The following ST7 variants were observed in gnomAD, a reference collection of about 807,000 sequenced individuals.
The protein encoded by ST7 is suppression of tumorigenicity 7.
In ST7, 28 loss-of-function variants were observed where a neutral mutation model predicts 78.7. The observed-to-expected ratio is 0.36, with a 90% CI of 0.26 to 0.49. The LOEUF (loss-of-function observed/expected upper bound fraction) is 0.49. ST7 is among the 20% of genes least tolerant of loss of function. The pLI is 0.99. For missense variants in ST7, 418 were observed against 696.0 expected, an observed-to-expected ratio of 0.60 and a Z score of 4.49; for synonymous variants, 247 against 249.6, an observed-to-expected ratio of 0.99 and a Z score of 0.10.
At chr7:116,956,742 A>AT (rs755580580) in intron 1 of ST7, 48 of 433,114 alleles carry the variant, frequency 1.1e-4, no homozygotes, top group African/African-American at 2.3e-4. Flanking sequence ...GCTTAACTCG[A>AT]TTTTTTTTTA....
chr7:116,973,757 C>T (rs1219427956), intron 1 of ST7, among the ~76,000 whole-genome samples: 1 of 152,096 alleles, frequency 6.6e-6, no homozygotes, highest in Non-Finnish European at 1.5e-5. Context: ...CCTTCTGCAA[C>T]TTGTTTCTAT....
chr7:117,124,014 T>C (rs149442282), intron 3 of ST7, among the ~76,000 whole-genome samples: 102 of 152,174 alleles, frequency 6.7e-4, no homozygotes, highest in African/African-American at 2.3e-3. Context: ...AAATTCTAAA[T>C]AATTTTAATA....
chr7:117,098,438 G>A (rs982436797), intron 1 of ST7, among the ~76,000 whole-genome samples: 16 of 151,914 alleles, frequency 1.1e-4, no homozygotes, highest in African/African-American at 3.9e-4. Flanking sequence ...ACCCAGCCTG[G>A]GATGCATCCC....
In ST7 at chr7:117,036,724, A is replaced by G. The variant is rs553075260; in HGVS notation, c.152-63038A>G. ...CCATGGTATGATATATCATATACAT[A>G]TGGTATGATATGATATCATATACTT... On this transcript the variant is annotated intron_variant, in intron 1 of 15. Transcript: ENST00000323984. Among the ~76,000 whole-genome samples the G allele has an allele frequency of 2.0e-5, 3 of 152,294 alleles. No homozygotes were observed. The East Asian group carries it at 5.8e-4, about 29-fold the overall frequency.
chr7:117,125,191 A>C (rs1803728407), intron 3 of ST7, among the ~76,000 whole-genome samples: 1 of 152,176 alleles, frequency 6.6e-6, no homozygotes, highest in Admixed American at 6.6e-5. Context: ...GATAATACCT[A>C]AAATAGTTTT....
chr7:117,032,420 G>C (rs1431371052), intron 1 of ST7, among the ~76,000 whole-genome samples: 1 of 151,922 alleles, frequency 6.6e-6, no homozygotes, highest in Non-Finnish European at 1.5e-5. Flanking sequence ...TCAAAAACAG[G>C]ATCCCCTTTT....
At chr7:117,120,840 A>G (rs1803311406) in intron 3 of ST7, among the ~76,000 whole-genome samples, 1 of 152,208 alleles carries the variant, frequency 6.6e-6, no homozygotes, top group South Asian at 2.1e-4. Flanking sequence ...CAGCACTAAG[A>G]ATAGCATCAA....
At chr7:117,227,166 C>A (rs1157188398) in intron 15 of ST7, among the ~76,000 whole-genome samples, 1 of 152,200 alleles carries the variant, frequency 6.6e-6, no homozygotes, top group Non-Finnish European at 1.5e-5. Context: ...AGGTGAGGCT[C>A]CCCGAGGACC....
At chr7:117,210,962 T>C (rs958864360) in intron 13 of ST7, among the ~76,000 whole-genome samples, 2 of 152,184 alleles carry the variant, frequency 1.3e-5, no homozygotes, top group African/African-American at 4.8e-5. Context: ...CACAAACAAG[T>C]GTCTTTTTAA....
intron 7 of ST7, 137 bp from the exon 8 acceptor site, chr7:117,135,944 T>A: frequency 4.8e-6 from 4 of 837,640 alleles, no homozygotes; most frequent in Non-Finnish European, 7.6e-6. Flanking sequence ...TGTCAGCAAC[T>A]ACAAACAGGA....
chr7:117,202,660 T>G (rs1810986992), intron 12 of ST7, among the ~76,000 whole-genome samples: 1 of 152,180 alleles, frequency 6.6e-6, no homozygotes, highest in African/African-American at 2.4e-5. Context: ...AATTTCCATC[T>G]GTTCCCTGTC....
chr7:117,140,387 A>G (rs1805178538), intron 9 of ST7, among the ~76,000 whole-genome samples: 1 of 152,076 alleles, frequency 6.6e-6, no homozygotes. Flanking sequence ...TGTGCTTTTC[A>G]TTTAGTCTTC....
At chr7:117,226,191 G>A (rs959896353) in intron 15 of ST7, among the ~76,000 whole-genome samples, 2 of 152,178 alleles carry the variant, frequency 1.3e-5, no homozygotes, top group African/African-American at 4.8e-5. Flanking sequence ...ATAAGCAGAG[G>A]CGTTTTGAAT....
In ST7 at chr7:117,009,268, TTTG is replaced by T. The variant is rs1340145194; in HGVS notation, c.151+55580_151+55582del. Among the ~76,000 whole-genome samples the T allele has an allele frequency of 3.0e-3, 96 of 31,682 alleles. 20 individuals carry two copies. Among genetic ancestry groups the T allele is most frequent in the East Asian group, 0.019 (24 of 1,266 alleles). 20.8% of individuals were successfully genotyped at this position (31,682 alleles called of 152,430 possible). ...TCCACTTTTTTTTTGTTTTTTTTTT[TTTG>T]TTTTTGGCCTCTGGGACAACCCACA... On this transcript the variant is annotated intron_variant, in intron 1 of 15. Transcript: ENST00000323984.
intron 1 of ST7, among the ~76,000 whole-genome samples, chr7:116,978,944 G>C (rs1793824810): frequency 6.6e-6 from 1 of 152,094 alleles, no homozygotes; most frequent in Non-Finnish European, 1.5e-5. Context: ...TATTTACAGA[G>C]GTATTGGCAG....
chr7:116,967,479 C>T (rs940115656), intron 1 of ST7: 11 of 465,196 alleles, frequency 2.4e-5, no homozygotes, highest in Non-Finnish European at 4.5e-5. Context: ...GGCAGGTCTA[C>T]AGCTCTAGCG....
chr7:117,142,699 C>A (rs971104275), intron 9 of ST7, among the ~76,000 whole-genome samples: 3 of 152,110 alleles, frequency 2.0e-5, no homozygotes, highest in Admixed American at 6.5e-5. Context: ...GCAACCTCCA[C>A]CTCCTGGGTT....
intron 1 of ST7, among the ~76,000 whole-genome samples, chr7:117,008,078 A>G (rs968447903): frequency 1.3e-5 from 2 of 152,196 alleles, no homozygotes; most frequent in Non-Finnish European, 2.9e-5. Flanking sequence ...GCAGAGAGGA[A>G]ATTATCTGCT....
chr7:117,185,222 G>A (rs1809143365), intron 10 of ST7, among the ~76,000 whole-genome samples: 1 of 152,204 alleles, frequency 6.6e-6, no homozygotes, highest in Non-Finnish European at 1.5e-5. Context: ...TTTCACAAGA[G>A]TATGTGAAAG....
Sources: allele counts gnomAD v4.1 joint callset (sites outside exome capture counted in the v4.1 genomes callset), GRCh38; gene constraint gnomAD v4.1.1; transcripts MANE v1.5; gene names NCBI Gene and HGNC (gene_info 2026-07-23, HGNC 2026-07-21).